The following TMEM132B variants were observed in gnomAD, a reference collection of about 807,000 sequenced individuals.
TMEM132B encodes transmembrane protein 132B.
TMEM132B carries 18 observed loss-of-function variants against 90.8 expected under a neutral mutation model. That is an observed-to-expected ratio of 0.20 (90% CI 0.14 to 0.29). TMEM132B has a LOEUF of 0.29. Ranked by LOEUF, TMEM132B falls within the 10% of genes least tolerant of loss-of-function variation. The pLI is 1.00. For missense variants in TMEM132B, 1,096 were observed against 1,326.8 expected (o/e 0.83, Z 2.70); for synonymous variants, 504 against 523.3 (o/e 0.96, Z 0.50).
At position 125,401,519 on chromosome 12, in the gene TMEM132B, G is replaced by A. The variant is rs568947088; in HGVS notation, c.960-14012G>A. ...ATTTGTCCAGATCTGAAGGAGATTA[G>A]GGAATGAGTCATGGTGGTGTCTGTG... On this transcript the variant is annotated intron_variant, in intron 2 of 8. Transcript: ENST00000682704. Among the ~76,000 whole-genome samples the A allele has an allele frequency of 5.9e-5, 9 of 152,282 alleles. No individual in the cohort carries two copies. The South Asian group carries it at 8.3e-4, about 14-fold the overall frequency.
At chr12:125,535,644 G>C (rs1360490558) in intron 4 of TMEM132B, among the ~76,000 whole-genome samples, 1 of 152,212 alleles carries the variant, frequency 6.6e-6, no homozygotes, top group Non-Finnish European at 1.5e-5. Flanking sequence ...TCTATAATTA[G>C]ACTCAGCTGA....
At chr12:125,481,933 C>T (rs1490885669) in intron 3 of TMEM132B, among the ~76,000 whole-genome samples, 1 of 152,122 alleles carries the variant, frequency 6.6e-6, no homozygotes, top group Non-Finnish European at 1.5e-5. Context: ...GAACAGAGGC[C>T]TCAGAAATAA....
In TMEM132B at chr12:125,408,958, A is replaced by C. The variant is rs140660104; in HGVS notation, c.960-6573A>C. On this transcript the variant is annotated intron_variant, in intron 2 of 8. Transcript: ENST00000682704. This position sits in a 1 kb window ranked among gnomAD's most constrained non-coding sequence, Gnocchi z 5.9. ...TGTACTGCACAAGGGGATACACCAGAGTGGATTGTTAATAATAATAGTGAT... is the reference window on the plus strand; with the variant it reads ...TGTACTGCACAAGGGGATACACCAGCGTGGATTGTTAATAATAATAGTGAT... Among the ~76,000 whole-genome samples, 250 of 152,308 alleles carry C rather than the reference A, an allele frequency of 1.6e-3. 1 individual carries two copies. Among genetic ancestry groups the C allele is most frequent in the African/African-American group, 5.0e-3 (207 of 41,562 alleles).
Position 125,656,833 on chromosome 12 carries a change from C to T in TMEM132B, c.*2123C>T, listed in dbSNP as rs1887074686. Reference sequence around the variant, plus strand: ...CTATGAGGCTTTTCAATCGTCTCTCCCTTTGGATCTCTGGCATTCCAGAAA... The same window carrying T: ...CTATGAGGCTTTTCAATCGTCTCTCTCTTTGGATCTCTGGCATTCCAGAAA... On this transcript the variant is annotated 3_prime_UTR_variant, in exon 9 of 9. Transcript: ENST00000682704. 6.6e-6 allele frequency: 1 copy of T among 152,224 alleles called. No homozygotes were observed. The highest frequency in any genetic ancestry group is 1.5e-5 in the Non-Finnish European group (1 of 68,074). The allele number at this position is 152,224 out of a possible 1,614,324, so 9.4% of individuals were successfully genotyped here.
At chr12:125,187,091 C>T (rs1189059940) in intron 1 of TMEM132B, among the ~76,000 whole-genome samples, 1 of 152,192 alleles carries the variant, frequency 6.6e-6, no homozygotes, top group Non-Finnish European at 1.5e-5. Context: ...CCTTGCGGAT[C>T]CTTTCGGGAC....
intron 2 of TMEM132B, among the ~76,000 whole-genome samples, chr12:125,351,043 A>C (rs924820021): frequency 1.3e-5 from 2 of 152,210 alleles, no homozygotes; most frequent in Non-Finnish European, 2.9e-5. Flanking sequence ...TCATGTGCTG[A>C]GAGTTCTGCA....
chr12:125,509,588 G>T (rs758761355), intron 3 of TMEM132B, among the ~76,000 whole-genome samples: 1 of 152,140 alleles, frequency 6.6e-6, no homozygotes, highest in African/African-American at 2.4e-5. Flanking sequence ...TCTCTGCAGG[G>T]CTAATAAGGA....
At chr12:125,317,515 T>C (rs889693462) in intron 1 of TMEM132B, among the ~76,000 whole-genome samples, 1 of 152,070 alleles carries the variant, frequency 6.6e-6, no homozygotes, top group Non-Finnish European at 1.5e-5. Context: ...GGCAGGACTT[T>C]GGGCTTTGGT....
rs1884050191 is a variant in TMEM132B at position 125,544,900 on chromosome 12, A to G, written c.1293+25275A>G. Among the ~76,000 whole-genome samples, 7 of 151,964 alleles carry G rather than the reference A, an allele frequency of 4.6e-5. No individual in the cohort carries two copies. In the South Asian group the frequency reaches 1.5e-3, roughly 32 times the overall value. ...TAGTAAGTGTTGAATATCTAGCAGTATTCTTGTATTTCCAGAAAACAATAG... is the reference window on the plus strand; with the variant it reads ...TAGTAAGTGTTGAATATCTAGCAGTGTTCTTGTATTTCCAGAAAACAATAG... On this transcript the variant is annotated intron_variant, in intron 4 of 8. Transcript: ENST00000682704.
At chr12:125,494,769 GCC>G in intron 3 of TMEM132B, among the ~76,000 whole-genome samples, 1 of 104,906 alleles carries the variant, frequency 9.5e-6, no homozygotes, top group South Asian at 3.6e-4. Flanking sequence ...CCTGGAAATG[GCC>G]GTGTTCCTCC....
chr12:125,476,353 A>C (rs1156878684), intron 3 of TMEM132B, among the ~76,000 whole-genome samples: 1 of 151,822 alleles, frequency 6.6e-6, no homozygotes, highest in Non-Finnish European at 1.5e-5. Context: ...GTGTCTATGG[A>C]TTTGCTGATT....
rs189343488 is a variant in TMEM132B at position 125,488,593 on chromosome 12, C to T, written c.1107-30846C>T. 7.2e-4 allele frequency among the ~76,000 whole-genome samples: 109 copies of T among 152,330 alleles called. No individual in the cohort carries two copies. In the East Asian group the frequency reaches 9.8e-3, roughly 14 times the overall value. Reference sequence around the variant, plus strand: ...TTTGCCTGCTGCCATCCATGTAAGACATGACTTGCTCCTCTTTGCCTCCTG... The same window carrying T: ...TTTGCCTGCTGCCATCCATGTAAGATATGACTTGCTCCTCTTTGCCTCCTG... On this transcript the variant is annotated intron_variant, in intron 3 of 8. Transcript: ENST00000682704.
intron 2 of TMEM132B, among the ~76,000 whole-genome samples, chr12:125,357,874 A>G (rs1877831787): frequency 6.6e-6 from 1 of 152,200 alleles, no homozygotes; most frequent in Admixed American, 6.5e-5. Context: ...TGTCTTATCC[A>G]TGAGAAGACA....
intron 4 of TMEM132B, among the ~76,000 whole-genome samples, chr12:125,561,882 C>T (rs1402215460): frequency 6.6e-6 from 1 of 152,152 alleles, no homozygotes; most frequent in Non-Finnish European, 1.5e-5. Context: ...TAAATGAGCA[C>T]TGGCTTCAAC....
intron 3 of TMEM132B, among the ~76,000 whole-genome samples, chr12:125,452,085 T>C (rs1161477978): frequency 6.6e-6 from 1 of 152,226 alleles, no homozygotes; most frequent in Non-Finnish European, 1.5e-5. Context: ...CTGACCCCCG[T>C]CTGGTATTAG....
intron 5 of TMEM132B, among the ~76,000 whole-genome samples, chr12:125,613,824 A>G (rs1400713462): frequency 6.6e-6 from 1 of 152,042 alleles, no homozygotes; most frequent in African/African-American, 2.4e-5. Context: ...GTACATATTT[A>G]TATAGTTTGT....
intron 4 of TMEM132B, among the ~76,000 whole-genome samples, chr12:125,534,816 G>A (rs922868537): frequency 1.3e-5 from 2 of 152,078 alleles, no homozygotes; most frequent in Non-Finnish European, 2.9e-5. Flanking sequence ...ATCCAATATG[G>A]TAGCCATTAG....
chr12:125,539,105 T>C (rs919848932), intron 4 of TMEM132B, among the ~76,000 whole-genome samples: 1 of 152,192 alleles, frequency 6.6e-6, no homozygotes, highest in Non-Finnish European at 1.5e-5. Flanking sequence ...ATTTAATTCA[T>C]TAAACAGATT....
chr12:125,189,762 T>G lies in TMEM132B; in HGVS notation c.67+2896T>G, dbSNP rs148950583. Reference sequence around the variant, plus strand: ...CCAACAATGAGCACGGTGGTTGCCTTGATCCAAGGGAGCAAAAGAAAACCC... The same window carrying G: ...CCAACAATGAGCACGGTGGTTGCCTGGATCCAAGGGAGCAAAAGAAAACCC... On this transcript the variant is annotated intron_variant, in intron 1 of 8. Transcript: ENST00000682704. Among the ~76,000 whole-genome samples the G allele has an allele frequency of 1.2e-4, 18 of 152,182 alleles. No individual in the cohort carries two copies. The South Asian group carries it at 2.1e-3, about 18-fold the overall frequency.
Sources: allele counts gnomAD v4.1 joint callset (sites outside exome capture counted in the v4.1 genomes callset), GRCh38; gene constraint gnomAD v4.1.1; non-coding constraint Gnocchi (gnomAD v3.1); transcripts MANE v1.5; gene names NCBI Gene and HGNC (gene_info 2026-07-23, HGNC 2026-07-21).